Variants in LDLRAD4 observed in about 807,000 individuals in gnomAD.
LDLRAD4 encodes the protein low-density lipoprotein receptor class A domain-containing protein 4.
LDLRAD4 carries 5 observed loss-of-function variants against 17.0 expected under a neutral mutation model. The observed-to-expected ratio is 0.29, with a 90% CI of 0.15 to 0.62. The LOEUF (loss-of-function observed/expected upper bound fraction) is 0.62. Ranked by LOEUF, LDLRAD4 falls within the 20% of genes least tolerant of loss-of-function variation. The probability of loss-of-function intolerance (pLI) is 0.84; values close to 1 mark genes in which losing one functional copy is unlikely to be tolerated. For missense variants in LDLRAD4, 340 were observed against 424.7 expected (o/e 0.80, Z 1.75); for synonymous variants, 168 against 171.8 (o/e 0.98, Z 0.17).
intron 1 of LDLRAD4, among the ~76,000 whole-genome samples, chr18:13,315,265 G>A (rs1219035919): frequency 6.6e-6 from 1 of 152,186 alleles, no homozygotes; most frequent in African/African-American, 2.4e-5. Context: ...TCTGAAGGAT[G>A]ATAACATTGG....
At chr18:13,643,930 A>C (rs1400871905) in intron 5 of LDLRAD4, among the ~76,000 whole-genome samples, 8 of 152,256 alleles carry the variant, frequency 5.3e-5, no homozygotes, top group African/African-American at 1.9e-4. Flanking sequence ...GTATGTACGT[A>C]TATAAAAGAG....
intron 3 of LDLRAD4, among the ~76,000 whole-genome samples, chr18:13,561,139 A>ATAT (rs2094536152): frequency 1.9e-5 from 1 of 52,398 alleles, no homozygotes; most frequent in Non-Finnish European, 4.9e-5. Flanking sequence ...CATCCTGCAG[A>ATAT]TATTCAGGGC....
intron 2 of LDLRAD4, among the ~76,000 whole-genome samples, chr18:13,422,213 G>A (rs1003267089): frequency 2.7e-4 from 41 of 152,178 alleles, no homozygotes; most frequent in Non-Finnish European, 7.3e-5. Context: ...CATGTCACAT[G>A]GGCTTACACT....
chr18:13,336,771 G>A (rs1412297924), intron 1 of LDLRAD4, among the ~76,000 whole-genome samples: 2 of 151,488 alleles, frequency 1.3e-5, no homozygotes, highest in Non-Finnish European at 2.9e-5. Context: ...GCTCTGTGGT[G>A]CATCCCTCCC....
intron 3 of LDLRAD4, among the ~76,000 whole-genome samples, chr18:13,495,256 G>A (rs2093443639): frequency 6.6e-6 from 1 of 152,218 alleles, no homozygotes; most frequent in African/African-American, 2.4e-5. Context: ...GCGTGGGGAG[G>A]TGGTTTCAGT....
chr18:13,619,396 C>T (rs1050791785), intron 3 of LDLRAD4, among the ~76,000 whole-genome samples: 1 of 151,870 alleles, frequency 6.6e-6, no homozygotes, highest in African/African-American at 2.4e-5. Context: ...TGCAAAGGGC[C>T]CAAGCCCCTG....
At chr18:13,403,583 C>T (rs1599976053) in intron 2 of LDLRAD4, among the ~76,000 whole-genome samples, 1 of 152,348 alleles carries the variant, frequency 6.6e-6, no homozygotes, top group East Asian at 1.9e-4. Flanking sequence ...CTCAGTTTCT[C>T]TGTGAAATCA....
chr18:13,451,210 G>A (rs1343987727), intron 3 of LDLRAD4, among the ~76,000 whole-genome samples: 2 of 152,188 alleles, frequency 1.3e-5, no homozygotes, highest in Non-Finnish European at 2.9e-5. Context: ...CATAGACTGT[G>A]ATATGGTTTG....
chr18:13,349,802 G>T (rs530765145), intron 1 of LDLRAD4, among the ~76,000 whole-genome samples: 2 of 148,332 alleles, frequency 1.3e-5, no homozygotes, highest in African/African-American at 5.0e-5. Context: ...CCCCCCAACT[G>T]GCCCCAGTGT....
At chr18:13,528,398 C>T (rs567325220) in intron 3 of LDLRAD4, among the ~76,000 whole-genome samples, 5 of 152,282 alleles carry the variant, frequency 3.3e-5, no homozygotes, top group South Asian at 4.2e-4. Flanking sequence ...CTGCAACCTC[C>T]GCTTCACAGG....
At chr18:13,481,283 G>C (rs2093075589) in intron 3 of LDLRAD4, among the ~76,000 whole-genome samples, 2 of 152,218 alleles carry the variant, frequency 1.3e-5, no homozygotes, top group South Asian at 4.1e-4. Flanking sequence ...GTGTCTGGAA[G>C]AGGACAGAGT....
chr18:13,304,577 C>T (rs2146625092), intron 1 of LDLRAD4, among the ~76,000 whole-genome samples: 1 of 152,316 alleles, frequency 6.6e-6, no homozygotes, highest in African/African-American at 2.4e-5. Context: ...TTCTTTCAGA[C>T]TCCCCTGAGG....
intron 1 of LDLRAD4, among the ~76,000 whole-genome samples, chr18:13,381,499 G>A (rs2085362268): frequency 6.6e-6 from 1 of 152,298 alleles, no homozygotes; most frequent in East Asian, 1.9e-4. Context: ...AGCCAGGGCC[G>A]GGAGTCACCA....
intron 3 of LDLRAD4, among the ~76,000 whole-genome samples, chr18:13,464,756 T>C (rs1393928205): frequency 6.7e-6 from 1 of 149,452 alleles, no homozygotes; most frequent in East Asian, 2.0e-4. Flanking sequence ...TAGATGGGGC[T>C]TTTGAAACCC....
At chr18:13,269,727 T>C (rs1255568377) in intron 1 of LDLRAD4, among the ~76,000 whole-genome samples, 3 of 152,090 alleles carry the variant, frequency 2.0e-5, no homozygotes, top group Non-Finnish European at 2.9e-5. Context: ...TCCAGAGAGA[T>C]GTGTTCTTTT....
intron 4 of LDLRAD4, among the ~76,000 whole-genome samples, chr18:13,628,151 C>G (rs1284261603): frequency 1.3e-5 from 2 of 152,212 alleles, no homozygotes; most frequent in African/African-American, 4.8e-5. Context: ...CCCTGCTGCT[C>G]TCACTCCTGC....
chr18:13,445,659 A>C (rs1291910558), intron 3 of LDLRAD4, among the ~76,000 whole-genome samples: 4 of 147,404 alleles, frequency 2.7e-5, no homozygotes, highest in Non-Finnish European at 6.0e-5. Context: ...TTTGTGCATG[A>C]GTGTGTTTGC....
At chr18:13,611,339 C>G (rs981866292) in intron 3 of LDLRAD4, 1 of 308,426 alleles carries the variant, frequency 3.2e-6, no homozygotes, top group Non-Finnish European at 4.8e-6. Context: ...TTCTGGGCTC[C>G]CGGCAGTGCT....
intron 3 of LDLRAD4, among the ~76,000 whole-genome samples, chr18:13,500,030 C>T (rs2093586001): frequency 6.6e-6 from 1 of 152,114 alleles, no homozygotes. Context: ...TATTTAGAAG[C>T]ACATGTTTGG....
Sources: allele counts gnomAD v4.1 joint callset (sites outside exome capture counted in the v4.1 genomes callset), GRCh38; gene constraint gnomAD v4.1.1; transcripts MANE v1.5; gene names NCBI Gene and HGNC (gene_info 2026-07-23, HGNC 2026-07-21).